CADM2: variants seen among roughly 807,000 people sequenced by gnomAD.
CADM2 encodes cell adhesion molecule 2, also known as immunoglobulin superfamily member 4D.
In CADM2, 12 loss-of-function variants were observed where a neutral mutation model predicts 49.8. The observed-to-expected ratio is 0.24, with a 90% CI of 0.15 to 0.39. The LOEUF (loss-of-function observed/expected upper bound fraction) is 0.39. CADM2 is among the 10% of genes least tolerant of loss of function. The probability of loss-of-function intolerance (pLI) is 1.00; values close to 1 mark genes in which losing one functional copy is unlikely to be tolerated. For missense variants in CADM2, 378 were observed against 492.3 expected (o/e 0.77, Z 2.20); for synonymous variants, 214 against 175.4 (o/e 1.22, Z -1.74).
At chr3:85,631,769 A>G (rs2107523695) in intron 1 of CADM2, among the ~76,000 whole-genome samples, 2 of 152,212 alleles carry the variant, frequency 1.3e-5, no homozygotes, top group South Asian at 4.1e-4. Flanking sequence ...TGTTTTTTAA[A>G]AGTAAAAACA....
intron 5 of CADM2, among the ~76,000 whole-genome samples, chr3:85,889,450 G>A (rs1206123048): frequency 3.3e-5 from 5 of 152,154 alleles, no homozygotes; most frequent in East Asian, 1.9e-4. Flanking sequence ...GAAAATGTGC[G>A]TGTTTGCCAT....
At chr3:85,255,908 C>G (rs994823808) in intron 1 of CADM2, among the ~76,000 whole-genome samples, 2 of 152,064 alleles carry the variant, frequency 1.3e-5, no homozygotes, top group South Asian at 4.1e-4. Flanking sequence ...CCAGAAAAAT[C>G]TGCTTTCGAT....
rs185685656 is a variant in CADM2, at chr3:85,052,856, A to G, written c.61+93188A>G. Among the ~76,000 whole-genome samples, 10 of 152,210 alleles carry G rather than the reference A, an allele frequency of 6.6e-5. 1 individual carries two copies. The East Asian group carries it at 1.9e-3, about 29-fold the overall frequency. On this transcript the variant is annotated intron_variant, in intron 1 of 9. Coordinates refer to ENST00000383699, the MANE Select transcript of CADM2 (RefSeq NM_001167675.2). ...AACCATATAATTACATTTTTCAGAC[A>G]TGAAAAATGAATTAGTGCTGCATTA... is the stretch of plus-strand genomic sequence containing the variant.
intron 1 of CADM2, among the ~76,000 whole-genome samples, chr3:85,138,982 C>G (rs1472384144): frequency 6.6e-6 from 1 of 152,162 alleles, no homozygotes; most frequent in Non-Finnish European, 1.5e-5. Flanking sequence ...GGAAGTAACA[C>G]AGCACATTTG....
chr3:86,022,644 G>T (rs1196453263), intron 8 of CADM2, among the ~76,000 whole-genome samples: 1 of 151,754 alleles, frequency 6.6e-6, no homozygotes, highest in Admixed American at 6.6e-5. Context: ...TTAAAAATAT[G>T]CATAATAGCC....
intron 8 of CADM2, among the ~76,000 whole-genome samples, chr3:86,006,838 C>T (rs1730851394): frequency 2.0e-5 from 3 of 151,866 alleles, no homozygotes; most frequent in South Asian, 4.2e-4. Flanking sequence ...GTCAGGAGTT[C>T]GAGACAAGCC....
rs115010151 is a variant in CADM2, at chr3:85,306,104, C to G, written c.61+346436C>G. On this transcript the variant is annotated intron_variant, in intron 1 of 9. Coordinates refer to ENST00000383699, the MANE Select transcript of CADM2 (RefSeq NM_001167675.2). ...ATAAATATATTATTTGATTAATTATCCATAGGTAGGTTAAAATATTTCTGT... is the reference window on the plus strand; with the variant it reads ...ATAAATATATTATTTGATTAATTATGCATAGGTAGGTTAAAATATTTCTGT... Among the ~76,000 whole-genome samples, 507 of 151,698 alleles carry G rather than the reference C, an allele frequency of 3.3e-3. 1 individual carries two copies. Among genetic ancestry groups the G allele is most frequent in the Middle Eastern group, 0.017 (5 of 294 alleles).
Position 85,041,525 on chromosome 3 carries a change from C to T in CADM2, c.61+81857C>T, listed in dbSNP as rs114152416. On this transcript the variant is annotated intron_variant, in intron 1 of 9. Coordinates refer to ENST00000383699, the MANE Select transcript of CADM2 (RefSeq NM_001167675.2). ...TCTTGTATCTTTCATGCTCTTAAAT[C>T]GTATGACTTTTCCACCTTTATATGT... Among the ~76,000 whole-genome samples the T allele has an allele frequency of 4.3e-3, 656 of 152,234 alleles. 1 individual carries two copies. The highest frequency in any genetic ancestry group is 0.014 in the Middle Eastern group (4 of 294).
intron 6 of CADM2, among the ~76,000 whole-genome samples, chr3:85,923,474 C>T (rs1719405548): frequency 6.6e-6 from 1 of 150,968 alleles, no homozygotes; most frequent in East Asian, 1.9e-4. Flanking sequence ...TTATTAATTT[C>T]CTTCTTTTGC....
chr3:85,633,405 A>C (rs1160138899), intron 1 of CADM2, among the ~76,000 whole-genome samples: 1 of 152,072 alleles, frequency 6.6e-6, no homozygotes, highest in Non-Finnish European at 1.5e-5. Flanking sequence ...GGTTTTGAGA[A>C]GAAAAAAAGA....
chr3:85,531,439 C>T (rs951817579), intron 1 of CADM2, among the ~76,000 whole-genome samples: 6 of 152,098 alleles, frequency 3.9e-5, no homozygotes, highest in African/African-American at 1.4e-4. Flanking sequence ...GGATGACTTG[C>T]CACTTGAAGA....
intron 7 of CADM2, among the ~76,000 whole-genome samples, chr3:85,940,037 A>G (rs1038357370): frequency 6.7e-6 from 1 of 150,022 alleles, no homozygotes; most frequent in African/African-American, 2.5e-5. Context: ...AAAAAAACAG[A>G]CAAAAGCCTG....
chr3:85,285,961 G>T (rs2043623619), intron 1 of CADM2, among the ~76,000 whole-genome samples: 1 of 152,086 alleles, frequency 6.6e-6, no homozygotes, highest in African/African-American at 2.4e-5. Context: ...TGGAAATGTT[G>T]TACTTTTACT....
intron 1 of CADM2, among the ~76,000 whole-genome samples, chr3:85,500,516 G>C (rs565786031): frequency 2.0e-5 from 3 of 151,764 alleles, no homozygotes; most frequent in South Asian, 4.2e-4. Context: ...TTTTTTCATA[G>C]GTGGAATTTT....
At chr3:85,128,089 A>G (rs1412721410) in intron 1 of CADM2, among the ~76,000 whole-genome samples, 1 of 152,200 alleles carries the variant, frequency 6.6e-6, no homozygotes, top group Non-Finnish European at 1.5e-5. Flanking sequence ...CAGAAAGTTT[A>G]TTGAATGGTG....
chr3:85,544,068 A>G (rs1358410651), intron 1 of CADM2, among the ~76,000 whole-genome samples: 2 of 152,232 alleles, frequency 1.3e-5, no homozygotes. Context: ...AAGAGAAAAA[A>G]TTAAATGATT....
chr3:86,064,788 A>T (rs536488553), intron 8 of CADM2, among the ~76,000 whole-genome samples: 1 of 152,140 alleles, frequency 6.6e-6, no homozygotes, highest in South Asian at 2.1e-4. Flanking sequence ...TTCTGGGCTG[A>T]TTTCTTGCCT....
At chr3:85,568,468 TCTCTC>T (rs2062363064) in intron 1 of CADM2, among the ~76,000 whole-genome samples, 3 of 9,320 alleles carry the variant, frequency 3.2e-4, no homozygotes, top group African/African-American at 5.9e-4. Flanking sequence ...TCTTTCTCTT[TCTCTC>T]TCTTTCTTTC....
At chr3:85,296,069 T>C (rs571663318) in intron 1 of CADM2, among the ~76,000 whole-genome samples, 1 of 152,200 alleles carries the variant, frequency 6.6e-6, no homozygotes, top group East Asian at 1.9e-4. Context: ...AAAGCCACTA[T>C]GATTAATATC....
Sources: allele counts gnomAD v4.1 joint callset (sites outside exome capture counted in the v4.1 genomes callset), GRCh38; gene constraint gnomAD v4.1.1; transcripts MANE v1.5; gene names NCBI Gene and HGNC (gene_info 2026-07-23, HGNC 2026-07-21).